The following ERMP1 variants were observed in gnomAD, a reference collection of about 807,000 sequenced individuals.
ERMP1 encodes the protein Felix-ina.
Under a neutral mutation model 92.0 loss-of-function variants are expected in ERMP1, and 86 were observed. That is an observed-to-expected ratio of 0.93 (90% CI 0.79 to 1.12). The LOEUF (loss-of-function observed/expected upper bound fraction) is 1.12. Among genes scored for constraint, ERMP1 ranks in the 50% most tolerant of loss-of-function variants. The pLI is 0.00. For synonymous variants in ERMP1, 530 were observed against 412.8 expected (o/e 1.28, Z -3.44); for missense variants, 1,342 against 1,116.3 (o/e 1.20, Z -2.88).
chr9:5,809,983 GAAATCAAC>G lies in ERMP1; in HGVS notation c.1548+20_1548+27del. On this transcript the variant is annotated intron_variant, in intron 8 of 14. Transcript: ENST00000339450. Reference sequence around the variant, plus strand: ...CTTCAGTCCCTGGAGGCAACAGAAAGAAATCAACAAATATACCAAACACTTACCATGTA... The same window carrying G: ...CTTCAGTCCCTGGAGGCAACAGAAAGAAATATACCAAACACTTACCATGTA... 1 of 1,483,436 alleles carries G rather than the reference GAAATCAAC, an allele frequency of 6.7e-7. No homozygotes were observed. The highest frequency in any genetic ancestry group is 9.4e-7 in the Non-Finnish European group (1 of 1,065,210). 91.9% of individuals were successfully genotyped at this position (1,483,436 alleles called of 1,614,324 possible).
At chr9:5,842,911 C>G (rs1014129867) in intron 6 of ERMP1, among the ~76,000 whole-genome samples, 2 of 152,172 alleles carry the variant, frequency 1.3e-5, no homozygotes, top group East Asian at 1.9e-4. Flanking sequence ...GTTTTAAAAG[C>G]CTTTTCCCTC....
chr9:5,848,711 T>A (rs1408283280), intron 6 of ERMP1, among the ~76,000 whole-genome samples: 1 of 152,028 alleles, frequency 6.6e-6, no homozygotes, highest in Non-Finnish European at 1.5e-5. Flanking sequence ...GAAAAATGCC[T>A]CTTGTTTGAA....
intron 8 of ERMP1, among the ~76,000 whole-genome samples, chr9:5,808,851 C>T (rs535641732): frequency 1.1e-4 from 16 of 152,276 alleles, no homozygotes; most frequent in African/African-American, 3.8e-4. Flanking sequence ...AATCCTCCTA[C>T]CTCAGCCACC....
chr9:5,842,121 G>A (rs1028504493), intron 6 of ERMP1, among the ~76,000 whole-genome samples: 1 of 152,148 alleles, frequency 6.6e-6, no homozygotes, highest in African/African-American at 2.4e-5. Context: ...AAAGAACAAA[G>A]CCTCCACACA....
intron 4 of ERMP1, among the ~76,000 whole-genome samples, chr9:5,819,033 A>G (rs1362653497): frequency 1.3e-5 from 2 of 152,272 alleles, no homozygotes; most frequent in Non-Finnish European, 2.9e-5. Context: ...AAAGCTATGC[A>G]TAAATTTACT....
intron 12 of ERMP1, 65 bp from the exon 13 acceptor site, chr9:5,797,997 G>T: frequency 2.0e-6 from 2 of 987,326 alleles, no homozygotes; most frequent in South Asian, 2.6e-5. Flanking sequence ...GTAACTCACA[G>T]AACTGTTCAG....
intron 13 of ERMP1, among the ~76,000 whole-genome samples, chr9:5,793,823 A>G (rs1319806723): frequency 6.6e-6 from 1 of 152,156 alleles, no homozygotes; most frequent in Non-Finnish European, 1.5e-5. Flanking sequence ...AAGGAGAAAG[A>G]CAAATTCACA....
chr9:5,794,630 A>T (rs180928214), intron 13 of ERMP1, among the ~76,000 whole-genome samples: 224 of 152,312 alleles, frequency 1.5e-3, no homozygotes, highest in African/African-American at 5.1e-3. Context: ...TTATATTTCC[A>T]TAAATCTGAT....
chr9:5,824,437 C>G (rs1480482377), intron 3 of ERMP1, among the ~76,000 whole-genome samples: 1 of 152,126 alleles, frequency 6.6e-6, no homozygotes, highest in Non-Finnish European at 1.5e-5. Flanking sequence ...GAAACAGAGC[C>G]TGTGGCCCAG....
intron 6 of ERMP1, among the ~76,000 whole-genome samples, chr9:5,841,678 C>T (rs904945929): frequency 2.4e-4 from 36 of 152,314 alleles, no homozygotes; most frequent in Non-Finnish European, 2.9e-4. Flanking sequence ...GTAATCCCAG[C>T]TACTCAGGAG....
chr9:5,845,707 G>T (rs1391474398), intron 6 of ERMP1, among the ~76,000 whole-genome samples: 1 of 152,208 alleles, frequency 6.6e-6, no homozygotes, highest in Non-Finnish European at 1.5e-5. Context: ...AAGAGAGGTT[G>T]TAGGGTGCCC....
intron 5 of ERMP1, among the ~76,000 whole-genome samples, chr9:5,862,880 T>A (rs1474210266): frequency 6.6e-6 from 1 of 152,154 alleles, no homozygotes; most frequent in Non-Finnish European, 1.5e-5. Flanking sequence ...GACAATCCAA[T>A]AAAATGCAAT....
In ERMP1 at chr9:5,798,876, G is replaced by A. The variant is rs1473639594; in HGVS notation, c.2200C>T (p.Arg734Ter). 20 of 1,613,334 alleles carry A rather than the reference G, an allele frequency of 1.2e-5. No homozygotes were observed. Among genetic ancestry groups the A allele is most frequent in the Non-Finnish European group, 1.5e-5 (18 of 1,179,502 alleles). The change falls in exon 12 of 15, where the codon CGA (arginine) becomes TGA (stop). Residue 734 changes from arginine (R) to a stop codon, truncating the protein, a stop_gained. Transcript: ENST00000339450. LOFTEE classifies it high-confidence loss of function. ...GGTGCATTCTCCTCACAGTGAGCTCGGATACTATCATTGATCTCAGGAATG... is the reference window on the plus strand; with the variant it reads ...GGTGCATTCTCCTCACAGTGAGCTCAGATACTATCATTGATCTCAGGAATG... ...PHIPEINDSIRAHCEENAPLC... is the reference protein window; with the variant it reads ...PHIPEINDSI
At chr9:5,807,538 G>GA in intron 8 of ERMP1, among the ~76,000 whole-genome samples, 1 of 152,284 alleles carries the variant, frequency 6.6e-6, no homozygotes, top group East Asian at 1.9e-4. Context: ...TTGAGGTCAG[G>GA]AGTTGGAGAC....
In ERMP1 at chr9:5,831,064, T is replaced by C. The variant is rs1586826185; in HGVS notation, c.339-36A>G. 3.2e-6 allele frequency: 5 copies of C among 1,565,970 alleles called. No individual in the cohort carries two copies. The East Asian group carries it at 1.1e-4, about 35-fold the overall frequency. On this transcript the variant is annotated intron_variant, in intron 1 of 14. Coordinates refer to ENST00000339450, the MANE Select transcript of ERMP1 (RefSeq NM_024896.3). ...CCAAAAGAATAACAAAGGTTTGTAG[T>C]TAAAATTGACACTTAGCGTGGGTAA...
At chr9:5,823,134 A>G (rs1172153520) in intron 4 of ERMP1, among the ~76,000 whole-genome samples, 1 of 152,080 alleles carries the variant, frequency 6.6e-6, no homozygotes, top group East Asian at 1.9e-4. Context: ...AAAAATTTTT[A>G]AATAGCCAGG....
Position 5,810,297 on chromosome 9 carries a change from T to TG in ERMP1, c.1328-67_1328-66insC, listed in dbSNP as rs1212492428. 14 of 1,161,140 alleles carry TG rather than the reference T, an allele frequency of 1.2e-5. No individual in the cohort carries two copies. In the South Asian group the frequency reaches 1.7e-4, roughly 14 times the overall value. The allele number at this position is 1,161,140 out of a possible 1,614,324, so 71.9% of individuals were successfully genotyped here. On this transcript the variant is annotated intron_variant, in intron 7 of 14. Coordinates refer to ENST00000339450, the MANE Select transcript of ERMP1 (RefSeq NM_024896.3). ...TCAAATCAGTTATATAACCAGTCAGTAGAGCTAAATGGGCAAACATTAAAA... is the reference window on the plus strand; with the variant it reads ...TCAAATCAGTTATATAACCAGTCAGTGAGAGCTAAATGGGCAAACATTAAAA...
chr9:5,819,483 C>A (rs549670112), intron 4 of ERMP1, among the ~76,000 whole-genome samples: 5 of 152,304 alleles, frequency 3.3e-5, no homozygotes, highest in African/African-American at 1.2e-4. Context: ...GACATCAGCC[C>A]AGCAACTGCC....
chr9:5,809,178 G>A (rs924642056), intron 8 of ERMP1, among the ~76,000 whole-genome samples: 7 of 151,896 alleles, frequency 4.6e-5, no homozygotes, highest in African/African-American at 9.7e-5. Flanking sequence ...CCGCCACCTC[G>A]CCCGGCTAAT....
Sources: allele counts gnomAD v4.1 joint callset (sites outside exome capture counted in the v4.1 genomes callset), GRCh38; gene constraint gnomAD v4.1.1; transcripts MANE v1.5; gene names NCBI Gene and HGNC (gene_info 2026-07-23, HGNC 2026-07-21).